Variants in OLA1 observed in about 807,000 individuals in gnomAD.
OLA1 encodes obg-like ATPase 1.
A neutral mutation model predicts 48.4 loss-of-function variants in OLA1; 14 were observed. That is an observed-to-expected ratio of 0.29 (90% CI 0.19 to 0.45). The LOEUF is 0.45. Among genes scored for constraint, OLA1 ranks in the 20% least tolerant of loss-of-function variants. The pLI is 1.00. For synonymous variants in OLA1, 127 were observed against 150.4 expected (o/e 0.84, Z 1.14); for missense variants, 325 against 467.1 (o/e 0.70, Z 2.80).
At chr2:174,080,655 TTATTA>T (rs1245668434) in intron 9 of OLA1, among the ~76,000 whole-genome samples, 1 of 152,110 alleles carries the variant, frequency 6.6e-6, no homozygotes, top group Non-Finnish European at 1.5e-5. Context: ...AAGGCATGAA[TTATTA>T]CACGTTGAGT....
intron 10 of OLA1, among the ~76,000 whole-genome samples, chr2:174,076,943 A>G (rs1396790668): frequency 6.6e-6 from 1 of 152,124 alleles, no homozygotes; most frequent in Non-Finnish European, 1.5e-5. Flanking sequence ...AATATAAATC[A>G]AGTACATATT....
chr2:174,183,064 A>T (rs560639252), intron 4 of OLA1, among the ~76,000 whole-genome samples: 98 of 152,224 alleles, frequency 6.4e-4, no homozygotes, highest in Admixed American at 5.4e-3. Context: ...ATTTTTTTTT[A>T]AAAGTCCAGT....
chr2:174,114,410 G>A (rs1360463337), intron 7 of OLA1, among the ~76,000 whole-genome samples: 3 of 144,114 alleles, frequency 2.1e-5, no homozygotes, highest in African/African-American at 7.8e-5. Context: ...AAGCGGGGAA[G>A]CAGGACATAC....
At chr2:174,153,935 C>T (rs1043076594) in intron 4 of OLA1, among the ~76,000 whole-genome samples, 14 of 152,264 alleles carry the variant, frequency 9.2e-5, no homozygotes, top group East Asian at 1.9e-4. Context: ...GGCACAATCA[C>T]GACTCATTGC....
At chr2:174,241,981 GAC>G (rs1207146780) in intron 2 of OLA1, among the ~76,000 whole-genome samples, 3 of 152,224 alleles carry the variant, frequency 2.0e-5, no homozygotes, top group African/African-American at 7.2e-5. Flanking sequence ...TCAAAATAAA[GAC>G]TACATTTCCT....
chr2:174,242,319 T>C (rs35739188), intron 2 of OLA1, among the ~76,000 whole-genome samples: 27,005 of 152,130 alleles, frequency 0.18, 2,724 homozygotes, highest in South Asian at 0.26. Flanking sequence ...CCTAGATCTC[T>C]TGCATGCGCA....
At chr2:174,222,947 A>G in intron 4 of OLA1, 86 bp downstream of exon 4, 1 of 1,345,786 alleles carries the variant, frequency 7.4e-7, no homozygotes, top group Non-Finnish European at 1.0e-6. Context: ...ATCTTCCATT[A>G]GTCATTTCTA....
At chr2:174,166,979 T>A (rs1248671903) in intron 4 of OLA1, among the ~76,000 whole-genome samples, 7 of 152,214 alleles carry the variant, frequency 4.6e-5, no homozygotes, top group Admixed American at 6.5e-5. Flanking sequence ...TTTGTAATAG[T>A]GTCATAATAA....
intron 4 of OLA1, among the ~76,000 whole-genome samples, chr2:174,201,683 A>G (rs1687993060): frequency 6.6e-6 from 1 of 152,196 alleles, no homozygotes; most frequent in East Asian, 1.9e-4. Flanking sequence ...AAATCTTGAG[A>G]GAGTTAATAG....
intron 4 of OLA1, among the ~76,000 whole-genome samples, chr2:174,142,734 C>A (rs911242543): frequency 6.6e-6 from 1 of 152,150 alleles, no homozygotes; most frequent in Non-Finnish European, 1.5e-5. Flanking sequence ...TGTGTACTGA[C>A]TTTATGCCCT....
intron 7 of OLA1, among the ~76,000 whole-genome samples, chr2:174,084,957 A>G (rs1228256375): frequency 1.3e-5 from 2 of 152,232 alleles, no homozygotes; most frequent in Admixed American, 1.3e-4. Flanking sequence ...TAAAGACAGT[A>G]GACCCCTAAA....
At chr2:174,238,265 G>A (rs914582842) in intron 2 of OLA1, among the ~76,000 whole-genome samples, 2 of 152,142 alleles carry the variant, frequency 1.3e-5, no homozygotes, top group Admixed American at 6.5e-5. Flanking sequence ...GGAGGCGGAG[G>A]CAGGCGGATC....
intron 4 of OLA1, among the ~76,000 whole-genome samples, chr2:174,210,336 A>C (rs1228507043): frequency 6.6e-6 from 1 of 152,178 alleles, no homozygotes; most frequent in Non-Finnish European, 1.5e-5. Context: ...AGGGGCAAAC[A>C]TGATATTTTA....
chr2:174,181,785 C>T (rs1477045915), intron 4 of OLA1, among the ~76,000 whole-genome samples: 2 of 152,174 alleles, frequency 1.3e-5, no homozygotes. Flanking sequence ...AGTCTCTCTC[C>T]TTGCCTTTAA....
intron 4 of OLA1, among the ~76,000 whole-genome samples, chr2:174,187,684 T>G (rs1687685134): frequency 6.6e-6 from 1 of 152,236 alleles, no homozygotes; most frequent in African/African-American, 2.4e-5. Flanking sequence ...GTGACTTCTT[T>G]AACTAAGTCA....
At chr2:174,100,008 C>T (rs1685354815) in intron 7 of OLA1, among the ~76,000 whole-genome samples, 1 of 152,096 alleles carries the variant, frequency 6.6e-6, no homozygotes, top group Non-Finnish European at 1.5e-5. Context: ...TAATAACAAC[C>T]CAGTGTTGGC....
At chr2:174,181,281 T>C (rs1471538185) in intron 4 of OLA1, among the ~76,000 whole-genome samples, 1 of 152,080 alleles carries the variant, frequency 6.6e-6, no homozygotes, top group Non-Finnish European at 1.5e-5. Flanking sequence ...TTAAAAGGAA[T>C]CGAATGTGAA....
intron 4 of OLA1, among the ~76,000 whole-genome samples, chr2:174,196,315 T>C (rs1350996756): frequency 6.6e-6 from 1 of 152,136 alleles, no homozygotes; most frequent in Non-Finnish European, 1.5e-5. Context: ...AATCAAATTG[T>C]ATAATTGAAG....
chr2:174,085,287 G>A (rs1684943737), intron 7 of OLA1, among the ~76,000 whole-genome samples: 1 of 152,184 alleles, frequency 6.6e-6, no homozygotes, highest in Admixed American at 6.5e-5. Context: ...GGCCTGTTAG[G>A]AATCAGGCTG....
Sources: allele counts gnomAD v4.1 joint callset (sites outside exome capture counted in the v4.1 genomes callset), GRCh38; gene constraint gnomAD v4.1.1; transcripts MANE v1.5; gene names NCBI Gene and HGNC (gene_info 2026-07-23, HGNC 2026-07-21).